The following GLDC variants were observed in gnomAD, a reference collection of about 807,000 sequenced individuals.
GLDC encodes the protein glycine decarboxylase.
In GLDC, 104 loss-of-function variants were observed where a neutral mutation model predicts 121.3. The observed-to-expected ratio is 0.86, with a 90% CI of 0.73 to 1.01. GLDC has a LOEUF of 1.01. Ranked by LOEUF, GLDC falls within the 50% of genes least tolerant of loss-of-function variation. The pLI is 0.00. For synonymous variants in GLDC, 546 were observed against 480.6 expected (o/e 1.14, Z -1.78); for missense variants, 1,429 against 1,306.6 (o/e 1.09, Z -1.44).
chr9:6,638,784 G>A (rs567109058), intron 2 of GLDC, among the ~76,000 whole-genome samples: 43 of 152,188 alleles, frequency 2.8e-4, no homozygotes, highest in African/African-American at 8.9e-4. Flanking sequence ...GCCAAGGCAG[G>A]CAGATCACGA....
intron 17 of GLDC, among the ~76,000 whole-genome samples, chr9:6,557,163 C>T (rs1327760754): frequency 2.0e-5 from 3 of 151,952 alleles, no homozygotes; most frequent in African/African-American, 4.8e-5. Flanking sequence ...GGATATTGAA[C>T]GTTCCCTCAA....
rs551783373 is a variant in GLDC at position 6,575,225 on chromosome 9, A to C, written c.1851-9796T>G. 3.7e-3 allele frequency among the ~76,000 whole-genome samples: 563 copies of C among 151,914 alleles called. 3 individuals are homozygous for C. The highest frequency in any genetic ancestry group is 0.013 in the African/African-American group (535 of 41,434). ...CATCTCAAAAGAAGCAAAAAAAAAA[A>C]AAACAAACCCCAAAACTCTCCCATA... On this transcript the variant is annotated intron_variant, in intron 15 of 24. Coordinates refer to ENST00000321612, the MANE Select transcript of GLDC (RefSeq NM_000170.3).
intron 15 of GLDC, among the ~76,000 whole-genome samples, chr9:6,578,055 C>T (rs144833117): frequency 1.3e-5 from 2 of 151,946 alleles, no homozygotes; most frequent in African/African-American, 2.4e-5. Flanking sequence ...GCTGGGACTA[C>T]AGAAACACGC....
rs80106649 is a variant in GLDC at position 6,565,330 on chromosome 9, A to G, written c.1926+24T>C. 2,856 of 1,571,082 alleles carry G rather than the reference A, an allele frequency of 1.8e-3. 53 individuals are homozygous for G. In the African/African-American group the frequency reaches 0.035, roughly 19 times the overall value. Reference sequence around the variant, plus strand: ...GGACCTCTGTGCCCCATGGTGAGCAAGCGCCACCTCCTGCCATACTCACCG... The same window carrying G: ...GGACCTCTGTGCCCCATGGTGAGCAGGCGCCACCTCCTGCCATACTCACCG... On this transcript the variant is annotated intron_variant, in intron 16 of 24. Transcript: ENST00000321612.
intron 9 of GLDC, 162 bp from the exon 10 acceptor site, chr9:6,593,152 T>A (rs1367270349): frequency 1.5e-6 from 1 of 681,462 alleles, no homozygotes; most frequent in Non-Finnish European, 2.6e-6. Context: ...TTTATTATCA[T>A]GCTGTAGAAA....
intron 15 of GLDC, among the ~76,000 whole-genome samples, chr9:6,571,119 A>G (rs62568969): frequency 1.7e-4 from 26 of 152,104 alleles, no homozygotes; most frequent in Non-Finnish European, 2.1e-4. Flanking sequence ...CACAAGCAAG[A>G]TTATTCTAAA....
At chr9:6,645,115 C>T (rs1714462276) in intron 1 of GLDC, 130 bp downstream of exon 1, 2 of 923,324 alleles carry the variant, frequency 2.2e-6, no homozygotes, top group South Asian at 1.8e-5. Flanking sequence ...TTCCACGCCA[C>T]GGCCCGGGAC....
intron 2 of GLDC, among the ~76,000 whole-genome samples, chr9:6,643,187 C>T (rs1819663140): frequency 6.6e-6 from 1 of 152,030 alleles, no homozygotes; most frequent in African/African-American, 2.4e-5. Context: ...CATTTGCCAC[C>T]GTGCCCAGCC....
intron 2 of GLDC, among the ~76,000 whole-genome samples, chr9:6,632,089 T>G (rs1485091422): frequency 6.6e-6 from 1 of 152,100 alleles, no homozygotes; most frequent in East Asian, 1.9e-4. Flanking sequence ...ATGGAGAAAT[T>G]TGCAGTCCAA....
intron 21 of GLDC, among the ~76,000 whole-genome samples, chr9:6,544,969 C>T (rs1402359318): frequency 1.3e-5 from 2 of 151,976 alleles, no homozygotes; most frequent in African/African-American, 4.8e-5. Flanking sequence ...CATGGTGGTG[C>T]ATGCCTGTAA....
At chr9:6,556,116 T>G in intron 18 of GLDC, 37 bp downstream of exon 18, 1 of 1,571,286 alleles carries the variant, frequency 6.4e-7, no homozygotes, top group Non-Finnish European at 8.7e-7. Context: ...ATCCATTTTC[T>G]CAGTGGGAAC....
chr9:6,551,236 G>A lies in GLDC; in HGVS notation c.2458-322C>T, dbSNP rs75311963. 1.5e-3 allele frequency among the ~76,000 whole-genome samples: 226 copies of A among 152,314 alleles called. 1 individual carries two copies. Among genetic ancestry groups the A allele is most frequent in the African/African-American group, 5.3e-3 (222 of 41,572 alleles). On this transcript the variant is annotated intron_variant, in intron 20 of 24. Transcript: ENST00000321612. ...ATTGTTCTTAAATTACATGTGTTTT[G>A]TGATTTTTTTGTTTGTTTACTATGA...
Position 6,636,062 on chromosome 9 carries a change from G to C in GLDC, c.334+8552C>G, listed in dbSNP as rs1819495566. ...GCTCACCTATAATCCCAGCATTATG[G>C]GAGGCCAAGGTGGGTAGATCATCTG... is the stretch of plus-strand genomic sequence containing the variant. On this transcript the variant is annotated intron_variant, in intron 2 of 24. Coordinates refer to ENST00000321612, the MANE Select transcript of GLDC (RefSeq NM_000170.3). Among the ~76,000 whole-genome samples, 3 of 152,018 alleles carry C rather than the reference G, an allele frequency of 2.0e-5. No homozygotes were observed. In the South Asian group the frequency reaches 6.2e-4, roughly 32 times the overall value.
chr9:6,612,656 G>C (rs1484740741), intron 3 of GLDC, among the ~76,000 whole-genome samples: 3 of 152,132 alleles, frequency 2.0e-5, no homozygotes, highest in African/African-American at 7.2e-5. Context: ...GAGGTCAGGA[G>C]TTCGAGACGA....
intron 16 of GLDC, among the ~76,000 whole-genome samples, chr9:6,564,076 T>C (rs1243723521): frequency 1.3e-5 from 2 of 151,984 alleles, no homozygotes; most frequent in African/African-American, 4.8e-5. Flanking sequence ...GGTGAAACTC[T>C]GTTTCTACTA....
Position 6,644,500 on chromosome 9 carries a change from C to A in GLDC, c.334+114G>T, listed in dbSNP as rs570550476. The A allele has an allele frequency of 6.4e-5, 48 of 754,350 alleles. No homozygotes were observed. In the East Asian group the frequency reaches 1.1e-3, roughly 17 times the overall value. The allele number at this position is 754,350 out of a possible 1,614,324, so 46.7% of individuals were successfully genotyped here. On this transcript the variant is annotated intron_variant, in intron 2 of 24. Coordinates refer to ENST00000321612, the MANE Select transcript of GLDC (RefSeq NM_000170.3). ...GTACCCGCCACTGTTTTATTTTAAT[C>A]CACACATTCCCAGTCCTGAGCAATC...
At chr9:6,556,391 G>C (rs567018568) in intron 17 of GLDC, 89 bp from the exon 18 acceptor site, 2 of 1,069,992 alleles carry the variant, frequency 1.9e-6, no homozygotes, top group Non-Finnish European at 2.9e-6. Flanking sequence ...AAAGGATGAA[G>C]AAAGATGAAG....
At chr9:6,570,301 C>G (rs1405048580) in intron 15 of GLDC, among the ~76,000 whole-genome samples, 2 of 152,088 alleles carry the variant, frequency 1.3e-5, no homozygotes, top group Non-Finnish European at 2.9e-5. Flanking sequence ...AAAGACCACG[C>G]TGTGGATTCT....
chr9:6,545,370 T>A (rs866355768), intron 21 of GLDC, among the ~76,000 whole-genome samples: 7 of 152,144 alleles, frequency 4.6e-5, no homozygotes, highest in Non-Finnish European at 1.0e-4. Context: ...TCCGAATCTG[T>A]GTATCTTAAC....
Sources: gnomAD v4.1 joint callset for allele counts (sites outside exome capture counted in the v4.1 genomes callset) on GRCh38, gnomAD v4.1.1 for gene constraint, MANE v1.5 for transcripts, NCBI Gene and HGNC (gene_info 2026-07-23, HGNC 2026-07-21) for gene names.